CFAP57: variants seen among roughly 807,000 people sequenced by gnomAD.
CFAP57 encodes cilia- and flagella-associated protein 57.
Under a neutral mutation model 146.8 loss-of-function variants are expected in CFAP57, and 116 were observed. The ratio of observed to expected loss-of-function variants is 0.79; its 90% confidence interval spans 0.68 to 0.92. The LOEUF (loss-of-function observed/expected upper bound fraction) is 0.92, where lower values mean the gene tolerates loss of function less well. CFAP57 is among the 40% of genes least tolerant of loss of function. The pLI, the probability that CFAP57 is intolerant of heterozygous loss-of-function variation, is 0.00. For missense variants in CFAP57, 1,377 were observed against 1,527.2 expected, an observed-to-expected ratio of 0.90 and a Z score of 1.64; for synonymous variants, 518 against 552.8, an observed-to-expected ratio of 0.94 and a Z score of 0.88.
At chr1:43,234,928 A>G (rs1010414482) in intron 21 of CFAP57, among the ~76,000 whole-genome samples, 1 of 151,330 alleles carries the variant, frequency 6.6e-6, no homozygotes, top group Non-Finnish European at 1.5e-5. Context: ...TCTTTTCTAC[A>G]CCATCTTTAT....
intron 19 of CFAP57, among the ~76,000 whole-genome samples, chr1:43,233,499 A>AAAAG (rs1645558192): frequency 6.6e-6 from 1 of 152,118 alleles, no homozygotes; most frequent in Non-Finnish European, 1.5e-5. Flanking sequence ...AAAAAAAAAA[A>AAAAG]AAAGATTGGA....
Position 43,185,287 on chromosome 1 carries a change from G to A in CFAP57, c.900G>A (p.Gly300=), listed in dbSNP as rs1411851023. The change falls in exon 5 of 23, where the codon GGG becomes GGA. Residue 300 remains glycine (G), a synonymous_variant. Coordinates refer to ENST00000372492, the MANE Select transcript of CFAP57 (RefSeq NM_001378189.1). Reference sequence around the variant, plus strand: ...CAAAGGGATTTGCCTGTTCTGCTGGGCCAGGGAGAGTTCTGCTGTTTGAGA... The same window carrying A: ...CAAAGGGATTTGCCTGTTCTGCTGGACCAGGGAGAGTTCTGCTGTTTGAGA... ...AYSKGFACSA[G]PGRVLLFEKM... 1.2e-6 allele frequency: 2 copies of A among 1,614,000 alleles called. No homozygotes were observed. The highest frequency in any genetic ancestry group is 3.3e-5 in the Admixed American group (2 of 59,988).
intron 9 of CFAP57, among the ~76,000 whole-genome samples, chr1:43,204,627 C>G (rs775979738): frequency 3.9e-5 from 6 of 152,130 alleles, no homozygotes; most frequent in Non-Finnish European, 8.8e-5. Context: ...TTTCTTTTAG[C>G]CTGGCTACCT....
intron 22 of CFAP57, among the ~76,000 whole-genome samples, chr1:43,251,429 T>C (rs966177011): frequency 6.6e-6 from 1 of 152,264 alleles, no homozygotes; most frequent in Admixed American, 6.5e-5. Flanking sequence ...TTCAGTTCTT[T>C]GACATTTCCT....
chr1:43,227,495 T>C (rs953972491), intron 18 of CFAP57, among the ~76,000 whole-genome samples: 8 of 152,212 alleles, frequency 5.3e-5, no homozygotes, highest in Non-Finnish European at 1.0e-4. Context: ...AGCATTTTTT[T>C]CTCAAACTGG....
At chr1:43,207,083 G>A (rs1040220786) in intron 10 of CFAP57, 151 bp downstream of exon 10, 1 of 763,382 alleles carries the variant, frequency 1.3e-6, no homozygotes, top group Non-Finnish European at 2.2e-6. Context: ...ATTCCTTTTA[G>A]ATTAGCTCAG....
chr1:43,245,026 C>T (rs940758763), intron 22 of CFAP57, among the ~76,000 whole-genome samples: 3 of 150,734 alleles, frequency 2.0e-5, no homozygotes, highest in African/African-American at 7.3e-5. Flanking sequence ...AAAAATGTTT[C>T]AGGCCAGGCG....
At chr1:43,205,634 CTT>C (rs1225192908) in intron 9 of CFAP57, among the ~76,000 whole-genome samples, 1 of 152,202 alleles carries the variant, frequency 6.6e-6, no homozygotes, top group Non-Finnish European at 1.5e-5. Flanking sequence ...AGTGGAGTTT[CTT>C]CCAACAAGTG....
chr1:43,248,560 T>G (rs1646205440), intron 22 of CFAP57, among the ~76,000 whole-genome samples: 1 of 151,994 alleles, frequency 6.6e-6, no homozygotes, highest in African/African-American at 2.4e-5. Context: ...GACTTCGTAA[T>G]CTGCCTGCCT....
Position 43,249,832 on chromosome 1 carries a change from C to T in CFAP57, c.3539-4145C>T, listed in dbSNP as rs567827555. Among the ~76,000 whole-genome samples, 8 of 152,108 alleles carry T rather than the reference C, an allele frequency of 5.3e-5. No homozygotes were observed. In the South Asian group the frequency reaches 1.7e-3, roughly 32 times the overall value. ...AATACATAGATATTTTTGCCAATAA[C>T]TCAGAAGATTCACCTAACAACATTA... is the stretch of plus-strand genomic sequence containing the variant. On this transcript the variant is annotated intron_variant, in intron 22 of 22. Transcript: ENST00000372492.
In CFAP57 at chr1:43,222,808, ACT is replaced by A; in HGVS notation, c.2533-9_2533-8del. The A allele has an allele frequency of 2.0e-6, 3 of 1,526,368 alleles. No individual in the cohort carries two copies. Among genetic ancestry groups the A allele is most frequent in the East Asian group, 2.5e-5 (1 of 40,694 alleles). 94.6% of individuals were successfully genotyped at this position (1,526,368 alleles called of 1,614,324 possible). On this transcript the variant is annotated splice_polypyrimidine_tract_variant and intron_variant, in intron 15 of 22. Coordinates refer to ENST00000372492, the MANE Select transcript of CFAP57 (RefSeq NM_001378189.1). ...TCCCTTCTCCCCTGACCACACGCCC[ACT>A]CTCTCTGAGCCAGGCACAGGAAGAC...
intron 12 of CFAP57, among the ~76,000 whole-genome samples, chr1:43,218,317 T>C (rs1644914641): frequency 6.6e-6 from 1 of 152,178 alleles, no homozygotes; most frequent in Non-Finnish European, 1.5e-5. Flanking sequence ...GAGAAGACAC[T>C]AGGCCGGGTG....
At chr1:43,204,472 T>A (rs1429250919) in intron 9 of CFAP57, among the ~76,000 whole-genome samples, 24 of 152,186 alleles carry the variant, frequency 1.6e-4, no homozygotes, top group Admixed American at 1.6e-3. Flanking sequence ...ATTGTAGCAG[T>A]TCTGAATATG....
intron 9 of CFAP57, among the ~76,000 whole-genome samples, chr1:43,200,427 C>G (rs1463809985): frequency 4.8e-5 from 7 of 145,772 alleles, no homozygotes; most frequent in Non-Finnish European, 8.9e-5. Context: ...GTCAAGGCTG[C>G]AATAAGCCAT....
chr1:43,192,789 T>C (rs1216680368), intron 6 of CFAP57, among the ~76,000 whole-genome samples: 4 of 151,450 alleles, frequency 2.6e-5, no homozygotes, highest in Non-Finnish European at 5.9e-5. Flanking sequence ...TAGCTGGGCG[T>C]GGTGGCACAT....
chr1:43,241,083 C>G (rs572147184), intron 21 of CFAP57, among the ~76,000 whole-genome samples: 1 of 152,334 alleles, frequency 6.6e-6, no homozygotes, highest in African/African-American at 2.4e-5. Flanking sequence ...ATCCACCTGC[C>G]TCGGCCTCCC....
At chr1:43,217,720 A>G (rs1026576037) in intron 12 of CFAP57, among the ~76,000 whole-genome samples, 11 of 151,176 alleles carry the variant, frequency 7.3e-5, no homozygotes, top group Admixed American at 2.7e-4. Context: ...GTTGCCGCCC[A>G]CCCACCCCAG....
At chr1:43,253,907 G>A in intron 22 of CFAP57, 70 bp from the exon 23 acceptor site, 1 of 1,343,928 alleles carries the variant, frequency 7.4e-7, no homozygotes, top group Non-Finnish European at 1.0e-6. Context: ...AAGCAGGGAG[G>A]GAGGAGGGGA....
rs372486887 is a variant in CFAP57, at chr1:43,198,557, G to A, written c.1339G>A (p.Val447Ile). 32 of 1,613,970 alleles carry A rather than the reference G, an allele frequency of 2.0e-5. No homozygotes were observed. The African/African-American group carries it at 3.9e-4, about 20-fold the overall frequency. Residue 447 changes from valine to isoleucine, a missense_variant, in exon 8 of 23, where the codon GTA becomes ATA. Val to Ile is a conservative substitution (Grantham distance 29). Coordinates refer to ENST00000372492, the MANE Select transcript of CFAP57 (RefSeq NM_001378189.1). ...TCATCCATCTGGACACTTCATTGTA[G>A]TAGGGTTTGCTGACAAACTACGCCT... ...SLHPSGHFIV[V>I]GFADKLRLMN...
Sources: allele counts gnomAD v4.1 joint callset (sites outside exome capture counted in the v4.1 genomes callset), GRCh38; gene constraint gnomAD v4.1.1; transcripts MANE v1.5; gene names NCBI Gene and HGNC (gene_info 2026-07-23, HGNC 2026-07-21).